The following WASHC2A variants were observed in gnomAD, a reference collection of about 807,000 sequenced individuals.
WASHC2A encodes the protein WASH complex subunit FAM21A.
Under a neutral mutation model 140.3 loss-of-function variants are expected in WASHC2A, and 82 were observed. The ratio of observed to expected loss-of-function variants is 0.58; its 90% CI spans 0.49 to 0.70. The LOEUF (loss-of-function observed/expected upper bound fraction) is 0.70. Among genes scored for constraint, WASHC2A ranks in the 30% least tolerant of loss-of-function variants. WASHC2A has a pLI of 0.00. For synonymous variants in WASHC2A, 340 were observed against 560.8 expected (o/e 0.61, Z 5.56); for missense variants, 985 against 1,521.8 (o/e 0.65, Z 5.87).
chr10:50,082,726 G>A (rs1234685471), intron 5 of WASHC2A, among the ~76,000 whole-genome samples: 37 of 147,582 alleles, frequency 2.5e-4, no homozygotes, highest in African/African-American at 8.7e-4. Context: ...TGATCCGCCC[G>A]CCTCGGCCTC....
Position 50,130,993 on chromosome 10 carries a change from T to C in WASHC2A, c.3801T>C (p.Ile1267=), listed in dbSNP as rs1843917698. The C allele has an allele frequency of 4.3e-6, 7 of 1,610,228 alleles. No homozygotes were observed. In the South Asian group the frequency reaches 6.6e-5, roughly 15 times the overall value. Reference sequence around the variant, plus strand: ...AATCTAATTTATTTGATGATAACATTGATATCTTTGCTGACTTAACTGTAA... The same window carrying C: ...AATCTAATTTATTTGATGATAACATCGATATCTTTGCTGACTTAACTGTAA... The part of the protein sequence containing the change: ...TLESNLFDDN[I]DIFADLTVKP... Residue 1267 remains isoleucine, a synonymous_variant, in exon 30 of 31, where the codon ATT becomes ATC. Transcript: ENST00000282633.
chr10:50,080,186 T>C (rs1190547098), intron 4 of WASHC2A, among the ~76,000 whole-genome samples: 1 of 152,126 alleles, frequency 6.6e-6, no homozygotes, highest in African/African-American at 2.4e-5. Flanking sequence ...TGAACAAACC[T>C]TTTTTCTTGA....
intron 20 of WASHC2A, 43 bp downstream of exon 20, chr10:50,110,313 G>A (rs1346086642): frequency 6.2e-7 from 1 of 1,606,594 alleles, no homozygotes. Flanking sequence ...CGTTACCGTG[G>A]TAACAAGAAA....
At chr10:50,099,528 C>T (rs1840854123) in intron 16 of WASHC2A, among the ~76,000 whole-genome samples, 1 of 151,256 alleles carries the variant, frequency 6.6e-6, no homozygotes. Context: ...GTGTGTGTCC[C>T]CAGCAGTCTT....
intron 19 of WASHC2A, among the ~76,000 whole-genome samples, chr10:50,109,691 C>T (rs1842102004): frequency 6.6e-6 from 1 of 152,176 alleles, no homozygotes; most frequent in East Asian, 1.9e-4. Flanking sequence ...AAGTTTAATA[C>T]TTAGTTTAAA....
At chr10:50,080,210 G>A (rs1219845269) in intron 4 of WASHC2A, among the ~76,000 whole-genome samples, 2 of 152,156 alleles carry the variant, frequency 1.3e-5, no homozygotes, top group African/African-American at 4.8e-5. Flanking sequence ...GGGCATTGTT[G>A]TAGGGTATAC....
At chr10:50,089,426 T>C (rs1839678700) in intron 8 of WASHC2A, among the ~76,000 whole-genome samples, 1 of 150,460 alleles carries the variant, frequency 6.6e-6, no homozygotes, top group Non-Finnish European at 1.5e-5. Context: ...GATTCAAACA[T>C]TGAAAAAAAA....
intron 17 of WASHC2A, among the ~76,000 whole-genome samples, chr10:50,103,518 C>T (rs1161492268): frequency 6.6e-6 from 1 of 151,978 alleles, no homozygotes; most frequent in East Asian, 1.9e-4. Context: ...CGAGATTGCA[C>T]CACTGCACTG....
intron 28 of WASHC2A, among the ~76,000 whole-genome samples, chr10:50,128,807 T>C (rs1475708712): frequency 4.9e-4 from 74 of 152,248 alleles, no homozygotes; most frequent in African/African-American, 1.7e-3. Context: ...TACTGCATCA[T>C]TGCTACTAAG....
At chr10:50,089,863 G>A (rs1350162479) in intron 8 of WASHC2A, among the ~76,000 whole-genome samples, 2 of 151,846 alleles carry the variant, frequency 1.3e-5, no homozygotes, top group African/African-American at 4.8e-5. Flanking sequence ...TAATCCCAGC[G>A]CTTTGGGAAG....
Position 50,067,965 on chromosome 10 carries a change from T to A in WASHC2A, c.-41T>A. The stretch of plus-strand genomic sequence containing the variant: ...TTCCGGGGCTCTGCAGTCCTCGGCG[T>A]GTGCTGGCAGCTTCGGAGCCCACCG... On this transcript the variant is annotated 5_prime_UTR_variant, in exon 1 of 31. Transcript: ENST00000282633. 6.3e-7 allele frequency: 1 copy of A among 1,597,664 alleles called. No homozygotes were observed. The highest frequency in any genetic ancestry group is 8.5e-7 in the Non-Finnish European group (1 of 1,173,984).
intron 29 of WASHC2A, 105 bp downstream of exon 29, chr10:50,130,144 A>T: frequency 5.7e-6 from 8 of 1,392,944 alleles, no homozygotes; most frequent in Non-Finnish European, 7.9e-6. Context: ...TGCATACCCC[A>T]TAGCCACTTG....
intron 28 of WASHC2A, 24 bp from the exon 29 acceptor site, chr10:50,129,395 A>G (rs767048123): frequency 6.8e-6 from 11 of 1,611,990 alleles, no homozygotes; most frequent in Admixed American, 3.3e-5. Context: ...CGTCAGATCA[A>G]TGTGTGTTTT....
Position 50,127,623 on chromosome 10 carries a change from C to T in WASHC2A, c.2915C>T (p.Ala972Val), listed in dbSNP as rs1335246930. 19 of 1,608,648 alleles carry T rather than the reference C, an allele frequency of 1.2e-5. No homozygotes were observed. Among genetic ancestry groups the T allele is most frequent in the Non-Finnish European group, 1.4e-5 (17 of 1,178,602 alleles). Reference protein sequence around the residue: ...AINPAALLPTAASQISEVKPV... With the variant: ...AINPAALLPTVASQISEVKPV... The stretch of plus-strand genomic sequence containing the variant: ...AACCCAGCGGCCTTGCTGCCCACAG[C>T]GGCTTCCCAGATCTCTGAAGTAAAG... The change falls in exon 28 of 31, where the codon GCG becomes GTG. Residue 972 changes from alanine to valine, a missense_variant. Transcript: ENST00000282633.
rs1404469498 is a variant in WASHC2A, at chr10:50,091,444, C to A, written c.857C>A (p.Pro286His). The A allele has an allele frequency of 2.6e-6, 4 of 1,549,934 alleles. No homozygotes were observed. The highest frequency in any genetic ancestry group is 3.5e-6 in the Non-Finnish European group (4 of 1,147,044). The change falls in exon 10 of 31, where the codon CCT becomes CAT. Residue 286 changes from proline (P) to histidine (H), a missense_variant. Physicochemically the swap from Pro to His is moderately conservative, Grantham distance 77. Coordinates refer to ENST00000282633, the MANE Select transcript of WASHC2A (RefSeq NM_001005751.3). The stretch of plus-strand genomic sequence containing the variant: ...CTCCTGCTGTAGAAAAGAAGCAGAC[C>A]TACATCGTTTGCAGATGAGCTGGCT... ...EENTRPKRSR[P>H]TSFADELAAR...
intron 23 of WASHC2A, among the ~76,000 whole-genome samples, chr10:50,123,972 A>T (rs2669777): frequency 0.29 from 44,827 of 152,034 alleles, 7,345 homozygotes; most frequent in Middle Eastern, 0.41. Flanking sequence ...ATATTTTTCC[A>T]TAGTTGTGAA....
At chr10:50,079,072 T>A (rs1335328829) in intron 4 of WASHC2A, among the ~76,000 whole-genome samples, 1 of 150,514 alleles carries the variant, frequency 6.6e-6, no homozygotes, top group Non-Finnish European at 1.5e-5. Context: ...CCAGCCTTCT[T>A]CCTGAGATCT....
At chr10:50,131,587 T>G (rs1236070316) in intron 30 of WASHC2A, among the ~76,000 whole-genome samples, 1 of 152,196 alleles carries the variant, frequency 6.6e-6, no homozygotes, top group Non-Finnish European at 1.5e-5. Flanking sequence ...CAAGCTTGTC[T>G]TCCTTATATG....
chr10:50,127,937 C>T (rs1460382188), intron 28 of WASHC2A, 142 bp downstream of exon 28: 1 of 1,550,708 alleles, frequency 6.4e-7, no homozygotes, highest in Non-Finnish European at 8.8e-7. Flanking sequence ...CAGCCACTCC[C>T]CACTCCATTC....
Sources: gnomAD v4.1 joint callset for allele counts (sites outside exome capture counted in the v4.1 genomes callset) on GRCh38, gnomAD v4.1.1 for gene constraint, MANE v1.5 for transcripts, NCBI Gene and HGNC (gene_info 2026-07-23, HGNC 2026-07-21) for gene names.